Variants in BAG4 observed in about 807,000 individuals in gnomAD.
BAG4 encodes the protein BAG cochaperone 4, also known as BAG family molecular chaperone regulator 4.
BAG4 carries 28 observed loss-of-function variants against 52.1 expected under a neutral mutation model. The observed-to-expected ratio is 0.54, with a 90% CI of 0.40 to 0.74. BAG4 has a LOEUF of 0.74. Among genes scored for constraint, BAG4 ranks in the 30% least tolerant of loss-of-function variants. The pLI is 0.00. For synonymous variants in BAG4, 208 were observed against 217.0 expected (o/e 0.96, Z 0.37); for missense variants, 525 against 572.0 (o/e 0.92, Z 0.84).
chr8:38,177,185 G>A, intron 1 of BAG4, 46 bp downstream of exon 1: 1 of 1,595,590 alleles, frequency 6.3e-7, no homozygotes, highest in Non-Finnish European at 8.5e-7. Flanking sequence ...AGGGCCCTTG[G>A]GGCTGGGGTT....
chr8:38,183,538 A>G (rs1047344902), intron 1 of BAG4, among the ~76,000 whole-genome samples: 2 of 152,156 alleles, frequency 1.3e-5, no homozygotes, highest in African/African-American at 4.8e-5. Flanking sequence ...CGGAAAGCAT[A>G]AGGACACTTT....
intron 1 of BAG4, among the ~76,000 whole-genome samples, chr8:38,192,037 C>T (rs1803484004): frequency 6.6e-6 from 1 of 152,164 alleles, no homozygotes; most frequent in Non-Finnish European, 1.5e-5. Flanking sequence ...CAGCGGAAAG[C>T]TTAGCCATAG....
intron 1 of BAG4, among the ~76,000 whole-genome samples, chr8:38,178,859 G>C (rs1234483263): frequency 6.6e-6 from 1 of 152,154 alleles, no homozygotes; most frequent in Admixed American, 6.5e-5. Context: ...TCAGGGCCTG[G>C]TGAGATGGCT....
chr8:38,191,479 G>A (rs983163723), intron 1 of BAG4, among the ~76,000 whole-genome samples: 4 of 151,998 alleles, frequency 2.6e-5, no homozygotes, highest in Non-Finnish European at 4.4e-5. Flanking sequence ...ATACTTGGGC[G>A]GGCACAGTGT....
intron 1 of BAG4, among the ~76,000 whole-genome samples, chr8:38,191,484 C>A (rs1803472956): frequency 6.6e-6 from 1 of 152,136 alleles, no homozygotes; most frequent in Non-Finnish European, 1.5e-5. Flanking sequence ...TGGGCGGGCA[C>A]AGTGTGGCTC....
In BAG4 at chr8:38,207,802, A is replaced by G. The variant is rs1391708733; in HGVS notation, c.633+36A>G. 9 of 1,609,870 alleles carry G rather than the reference A, an allele frequency of 5.6e-6. No homozygotes were observed. In the East Asian group the frequency reaches 8.9e-5, roughly 16 times the overall value. On this transcript the variant is annotated intron_variant, in intron 3 of 4. Transcript: ENST00000287322. ...TTCTATTGGGAAAAAAATGAATTCAAAGTCTCTGCCTCTTGTAAACAGTGG... is the reference window on the plus strand; with the variant it reads ...TTCTATTGGGAAAAAAATGAATTCAGAGTCTCTGCCTCTTGTAAACAGTGG...
intron 1 of BAG4, among the ~76,000 whole-genome samples, chr8:38,181,251 T>G (rs1334407594): frequency 5.3e-5 from 8 of 150,580 alleles, no homozygotes; most frequent in Admixed American, 6.7e-5. Flanking sequence ...AATTTTTTTT[T>G]GAGACGGAGT....
chr8:38,207,365 G>C, intron 2 of BAG4, 147 bp from the exon 3 acceptor site: 1 of 876,712 alleles, frequency 1.1e-6, no homozygotes, highest in Non-Finnish European at 1.7e-6. Context: ...GGCTCCCAAA[G>C]TGCTGGGATT....
intron 1 of BAG4, among the ~76,000 whole-genome samples, chr8:38,190,946 C>T (rs943121187): frequency 3.3e-5 from 5 of 151,698 alleles, no homozygotes; most frequent in Non-Finnish European, 5.9e-5. Context: ...TTAGTAGAGA[C>T]GGGGTTTCAC....
chr8:38,203,294 C>T (rs12542352), intron 2 of BAG4, among the ~76,000 whole-genome samples: 101,398 of 125,086 alleles, frequency 0.81, 39,167 homozygotes, highest in South Asian at 0.92. Flanking sequence ...TTTTTTTTTT[C>T]TTTTTTTGGA....
intron 2 of BAG4, among the ~76,000 whole-genome samples, chr8:38,198,784 G>A (rs1803611289): frequency 6.6e-6 from 1 of 152,086 alleles, no homozygotes; most frequent in African/African-American, 2.4e-5. Context: ...ACCATGCGTG[G>A]CTGTTTTTGT....
intron 1 of BAG4, among the ~76,000 whole-genome samples, chr8:38,190,545 T>A (rs1423301575): frequency 6.6e-6 from 1 of 150,990 alleles, no homozygotes; most frequent in African/African-American, 2.4e-5. Context: ...GCCTCTCACC[T>A]CTCAGCCTCC....
chr8:38,190,219 A>G (rs1430886340), intron 1 of BAG4, among the ~76,000 whole-genome samples: 1 of 152,156 alleles, frequency 6.6e-6, no homozygotes, highest in African/African-American at 2.4e-5. Flanking sequence ...CAATAACACT[A>G]CTGTATGTAT....
At chr8:38,190,834 T>C (rs1803461690) in intron 1 of BAG4, among the ~76,000 whole-genome samples, 1 of 150,902 alleles carries the variant, frequency 6.6e-6, no homozygotes. Context: ...CTCTGCTCAC[T>C]GCAACTTCTG....
rs1429244868 is a variant in BAG4 at position 38,212,680 on chromosome 8, A to G, written c.*2187A>G. 2 of 152,104 alleles carry G rather than the reference A, an allele frequency of 1.3e-5. No homozygotes were observed. Among genetic ancestry groups the G allele is most frequent in the Admixed American group, 6.6e-5 (1 of 15,262 alleles). The allele number at this position is 152,104 out of a possible 1,614,324, so 9.4% of individuals were successfully genotyped here. A position where few individuals can be genotyped will look rare whatever the true frequency, so the allele number is the denominator to read the frequency against. Reference sequence around the variant, plus strand: ...CAGGGGATACCTGATGTTGTAATGTATTTCTGGTGTTGTTAACCTTGATCA... The same window carrying G: ...CAGGGGATACCTGATGTTGTAATGTGTTTCTGGTGTTGTTAACCTTGATCA... On this transcript the variant is annotated 3_prime_UTR_variant, in exon 5 of 5. Transcript: ENST00000287322.
chr8:38,187,937 T>C (rs998111575), intron 1 of BAG4, among the ~76,000 whole-genome samples: 1 of 144,964 alleles, frequency 6.9e-6, no homozygotes, highest in Non-Finnish European at 1.5e-5. Flanking sequence ...CTTGGGAGGC[T>C]GAGGCAGGAG....
intron 1 of BAG4, among the ~76,000 whole-genome samples, chr8:38,183,036 CTTTTTTTTTTTTTTTTT>C (rs539995423): frequency 1.0e-5 from 1 of 100,102 alleles, no homozygotes; most frequent in Non-Finnish European, 2.1e-5. Flanking sequence ...ACTGACCCAT[CTTTTTTTTTTTTTTTTT>C]TTTTTTTTTT....
chr8:38,204,386 G>C (rs920685202), intron 2 of BAG4: 2 of 152,122 alleles, frequency 1.3e-5, no homozygotes, highest in Non-Finnish European at 2.9e-5. Context: ...CAGGCATGGT[G>C]GTGCATGCCT....
chr8:38,196,610 C>T (rs1010897045), intron 2 of BAG4, among the ~76,000 whole-genome samples: 3 of 150,782 alleles, frequency 2.0e-5, no homozygotes, highest in African/African-American at 4.9e-5. Context: ...GAGATTGTGC[C>T]ACTGCACTGC....
Sources: gnomAD v4.1 joint callset for allele counts (sites outside exome capture counted in the v4.1 genomes callset) on GRCh38, gnomAD v4.1.1 for gene constraint, MANE v1.5 for transcripts, NCBI Gene and HGNC (gene_info 2026-07-23, HGNC 2026-07-21) for gene names.